TMEM135: variants seen among roughly 807,000 people sequenced by gnomAD.
The protein encoded by TMEM135 is peroxisomal membrane protein 52.
TMEM135 carries 30 observed loss-of-function variants against 60.3 expected under a neutral mutation model. That is an observed-to-expected ratio of 0.50 (90% CI 0.37 to 0.68). TMEM135 has a LOEUF of 0.68. Ranked by LOEUF, TMEM135 falls within the 30% of genes least tolerant of loss-of-function variation. TMEM135 has a pLI of 0.00. For missense variants in TMEM135, 468 were observed against 548.8 expected (o/e 0.85, Z 1.47); for synonymous variants, 190 against 186.7 (o/e 1.02, Z -0.14).
In TMEM135 at chr11:87,318,255, A is replaced by G; in HGVS notation, c.1176+20A>G. Reference sequence around the variant, plus strand: ...CAGGCAGTAAGTATAACTTTTTGAAATGAGAAATTGAATGATTCCTGTTTC... The same window carrying G: ...CAGGCAGTAAGTATAACTTTTTGAAGTGAGAAATTGAATGATTCCTGTTTC... On this transcript the variant is annotated intron_variant, in intron 13 of 14. Coordinates refer to ENST00000305494, the MANE Select transcript of TMEM135 (RefSeq NM_022918.4). The G allele has an allele frequency of 1.3e-6, 2 of 1,525,050 alleles. No homozygotes were observed. Among genetic ancestry groups the G allele is most frequent in the South Asian group, 1.1e-5 (1 of 89,318 alleles). 94.5% of individuals were successfully genotyped at this position (1,525,050 alleles called of 1,614,324 possible).
intron 4 of TMEM135, among the ~76,000 whole-genome samples, chr11:87,120,267 T>C (rs1453692556): frequency 6.6e-6 from 1 of 151,516 alleles, no homozygotes; most frequent in Non-Finnish European, 1.5e-5. Flanking sequence ...GACCAGCTAA[T>C]TTTTTAATTT....
Position 87,110,792 on chromosome 11 carries a change from T to G in TMEM135, c.396+19397T>G, listed in dbSNP as rs111752584. Among the ~76,000 whole-genome samples the G allele has an allele frequency of 3.4e-3, 506 of 150,110 alleles. 5 individuals carry two copies. The highest frequency in any genetic ancestry group is 0.012 in the African/African-American group (481 of 40,632). Reference sequence around the variant, plus strand: ...TGTGTATGTGTGTGTGTGTGTGTGATGAATAAATGAATAATTCAGGGTCAA... The same window carrying G: ...TGTGTATGTGTGTGTGTGTGTGTGAGGAATAAATGAATAATTCAGGGTCAA... On this transcript the variant is annotated intron_variant, in intron 4 of 14. Coordinates refer to ENST00000305494, the MANE Select transcript of TMEM135 (RefSeq NM_022918.4).
chr11:87,154,854 C>T (rs1451828255), intron 4 of TMEM135, among the ~76,000 whole-genome samples: 1 of 152,212 alleles, frequency 6.6e-6, no homozygotes, highest in African/African-American at 2.4e-5. Flanking sequence ...GTAGGAGTTC[C>T]TAATATACTC....
chr11:87,110,644 G>A (rs1159702102), intron 4 of TMEM135, among the ~76,000 whole-genome samples: 1 of 152,048 alleles, frequency 6.6e-6, no homozygotes, highest in Non-Finnish European at 1.5e-5. Flanking sequence ...TTTCTACACA[G>A]TAATAATGGA....
intron 4 of TMEM135, among the ~76,000 whole-genome samples, chr11:87,129,450 C>T (rs1219398501): frequency 4.6e-5 from 7 of 151,688 alleles, no homozygotes; most frequent in Non-Finnish European, 8.8e-5. Context: ...GCCATATTGG[C>T]CAGGCTGGTC....
rs1942587187 is a variant in TMEM135, at chr11:87,308,407, G to T, written c.769-1098G>T. ...CAATTTCAGTTAAGCAAATGCTTGA[G>T]AATTCACAGTAATTGATTGGACAAT... On this transcript the variant is annotated intron_variant, in intron 9 of 14. Coordinates refer to ENST00000305494, the MANE Select transcript of TMEM135 (RefSeq NM_022918.4). Among the ~76,000 whole-genome samples the T allele has an allele frequency of 2.0e-5, 3 of 152,286 alleles. No homozygotes were observed. In the South Asian group the frequency reaches 6.2e-4, roughly 32 times the overall value.
intron 5 of TMEM135, among the ~76,000 whole-genome samples, chr11:87,173,324 G>A (rs1320238979): frequency 6.6e-6 from 1 of 152,120 alleles, no homozygotes; most frequent in Non-Finnish European, 1.5e-5. Context: ...TGTGATGCGT[G>A]GCACTGGAAT....
intron 6 of TMEM135, among the ~76,000 whole-genome samples, chr11:87,293,083 T>A (rs778023369): frequency 1.3e-5 from 2 of 152,236 alleles, no homozygotes; most frequent in African/African-American, 2.4e-5. Context: ...CTTTCTGTTT[T>A]CCAGTCAATA....
intron 5 of TMEM135, among the ~76,000 whole-genome samples, chr11:87,187,250 A>G (rs1025697167): frequency 6.6e-6 from 1 of 152,182 alleles, no homozygotes; most frequent in Non-Finnish European, 1.5e-5. Flanking sequence ...GCGGTGCTTC[A>G]CAGAAAGTCT....
chr11:87,069,512 T>A (rs563078242), intron 2 of TMEM135, among the ~76,000 whole-genome samples: 29 of 152,060 alleles, frequency 1.9e-4, no homozygotes, highest in Non-Finnish European at 3.4e-4. Flanking sequence ...TGTTCCTAAT[T>A]GGGTAGATGA....
In TMEM135 at chr11:87,100,280, C is replaced by T. The variant is rs987492723; in HGVS notation, c.396+8885C>T. ...AATTTGAACATGATCATAATATTTT[C>T]TGGATACTAATAATTACCTGATACA... On this transcript the variant is annotated intron_variant, in intron 4 of 14. Coordinates refer to ENST00000305494, the MANE Select transcript of TMEM135 (RefSeq NM_022918.4). 1.2e-4 allele frequency among the ~76,000 whole-genome samples: 18 copies of T among 152,230 alleles called. No homozygotes were observed. The South Asian group carries it at 1.5e-3, about 12-fold the overall frequency.
Position 87,325,702 on chromosome 11 carries a change from A to ATT in TMEM135, c.*4378_*4379dup. 1 of 447,686 alleles carries ATT rather than the reference A, an allele frequency of 2.2e-6. No individual in the cohort carries two copies. Among genetic ancestry groups the ATT allele is most frequent in the South Asian group, 1.6e-5 (1 of 63,434 alleles). The allele number at this position is 447,686 out of a possible 1,614,324, so 27.7% of individuals were successfully genotyped here. On this transcript the variant is annotated 3_prime_UTR_variant, in exon 15 of 15. Transcript: ENST00000305494. ...GGAGTAAACATTTCCAGAGACACTGATTTTTTTTTTATATGCTCTGTTTTT... is the reference window on the plus strand; with the variant it reads ...GGAGTAAACATTTCCAGAGACACTGATTTTTTTTTTTTATATGCTCTGTTTTT...
intron 5 of TMEM135, among the ~76,000 whole-genome samples, chr11:87,223,094 G>A (rs1332249711): frequency 6.6e-6 from 1 of 151,598 alleles, no homozygotes; most frequent in Non-Finnish European, 1.5e-5. Context: ...AAAATCTTGT[G>A]TGTAGATTAA....
chr11:87,138,725 CA>C (rs1938180229), intron 4 of TMEM135, among the ~76,000 whole-genome samples: 1 of 152,178 alleles, frequency 6.6e-6, no homozygotes, highest in Non-Finnish European at 1.5e-5. Flanking sequence ...TCAGGTCTGA[CA>C]ACTTTTTGCT....
At chr11:87,225,150 T>G (rs1940738763) in intron 5 of TMEM135, among the ~76,000 whole-genome samples, 1 of 152,160 alleles carries the variant, frequency 6.6e-6, no homozygotes, top group Non-Finnish European at 1.5e-5. Context: ...GAATGAAATT[T>G]GTAAATGCTA....
rs192370205 is a variant in TMEM135 at position 87,236,165 on chromosome 11, A to G, written c.463-473A>G. On this transcript the variant is annotated intron_variant, in intron 5 of 14. Coordinates refer to ENST00000305494, the MANE Select transcript of TMEM135 (RefSeq NM_022918.4). ...TTTTTGTGAACCCTGTTACCCTTCTATCCCGTCTATATATGTATGTATTAT... is the reference window on the plus strand; with the variant it reads ...TTTTTGTGAACCCTGTTACCCTTCTGTCCCGTCTATATATGTATGTATTAT... Among the ~76,000 whole-genome samples, 92 of 150,904 alleles carry G rather than the reference A, an allele frequency of 6.1e-4. 1 individual carries two copies. The highest frequency in any genetic ancestry group is 5.5e-3 in the Admixed American group (83 of 15,094).
chr11:87,236,888 T>G (rs926696110), intron 6 of TMEM135, among the ~76,000 whole-genome samples: 14 of 151,662 alleles, frequency 9.2e-5, no homozygotes, highest in Non-Finnish European at 1.6e-4. Context: ...GAAGACTTAT[T>G]CTCCCCACCC....
intron 5 of TMEM135, among the ~76,000 whole-genome samples, chr11:87,186,151 C>T (rs554187161): frequency 6.0e-4 from 91 of 152,230 alleles, no homozygotes; most frequent in East Asian, 2.7e-3. Context: ...ATGATCTGCC[C>T]GCCTTGGCCT....
intron 4 of TMEM135, among the ~76,000 whole-genome samples, chr11:87,147,375 C>A (rs981863185): frequency 1.3e-5 from 2 of 152,098 alleles, no homozygotes; most frequent in African/African-American, 4.8e-5. Context: ...ATTGTTACTT[C>A]TTTTTTAAGA....
Sources: allele counts gnomAD v4.1 joint callset (sites outside exome capture counted in the v4.1 genomes callset), GRCh38; gene constraint gnomAD v4.1.1; transcripts MANE v1.5; gene names NCBI Gene and HGNC (gene_info 2026-07-23, HGNC 2026-07-21).